The following TGS1 variants were observed in gnomAD, a reference collection of about 807,000 sequenced individuals.
The protein encoded by TGS1 is trimethylguanosine synthase 1.
TGS1 carries 69 observed loss-of-function variants against 92.2 expected under a neutral mutation model. That is an observed-to-expected ratio of 0.75 (90% CI 0.62 to 0.91). The LOEUF is 0.91. Ranked by LOEUF, TGS1 falls within the 40% of genes least tolerant of loss-of-function variation. The pLI is 0.00. For synonymous variants in TGS1, 345 were observed against 338.1 expected, an observed-to-expected ratio of 1.02 and a Z score of -0.22; for missense variants, 1,062 against 1,001.2, an observed-to-expected ratio of 1.06 and a Z score of -0.82.
chr8:55,803,364 C>T (rs1812275572), intron 9 of TGS1, among the ~76,000 whole-genome samples: 1 of 152,202 alleles, frequency 6.6e-6, no homozygotes, highest in South Asian at 2.1e-4. Flanking sequence ...GTCTTGCAGA[C>T]TGATGCTCGT....
chr8:55,792,661 G>A, intron 5 of TGS1, 37 bp from the exon 6 acceptor site: 2 of 1,452,076 alleles, frequency 1.4e-6, no homozygotes, highest in East Asian at 2.3e-5. Flanking sequence ...GGCTCTGGTG[G>A]TAATGGCTTA....
At chr8:55,789,750 A>G (rs374549227) in intron 4 of TGS1, among the ~76,000 whole-genome samples, 5 of 152,246 alleles carry the variant, frequency 3.3e-5, no homozygotes, top group African/African-American at 1.2e-4. Flanking sequence ...TACAACGTAC[A>G]GAAGGTGGAA....
intron 1 of TGS1, among the ~76,000 whole-genome samples, chr8:55,781,185 G>C (rs994549982): frequency 6.6e-6 from 1 of 152,202 alleles, no homozygotes; most frequent in Admixed American, 6.5e-5. Context: ...ACACACATAT[G>C]TAACACTTTT....
chr8:55,794,046 G>A (rs1811969392), intron 6 of TGS1, among the ~76,000 whole-genome samples: 1 of 152,082 alleles, frequency 6.6e-6, no homozygotes, highest in Non-Finnish European at 1.5e-5. Flanking sequence ...GAAACATTTA[G>A]CTAATTCTGT....
rs764471735 is a variant in TGS1, at chr8:55,798,931, A to G, written c.1560A>G (p.Thr520=). The change falls in exon 8 of 13, where the codon ACA becomes ACG. Residue 520 remains threonine, a synonymous_variant. Transcript: ENST00000260129. ...KILSKVEKFL[T]WVNKPMDEEA... ...AATTTAAGGTAGAAAAATTCCTCACATGGGTTAATAAACCAATGGATGAAG... is the reference window on the plus strand; with the variant it reads ...AATTTAAGGTAGAAAAATTCCTCACGTGGGTTAATAAACCAATGGATGAAG... 11 of 1,603,286 alleles carry G rather than the reference A, an allele frequency of 6.9e-6. No homozygotes were observed. Among genetic ancestry groups the G allele is most frequent in the Admixed American group, 1.7e-5 (1 of 57,392 alleles).
At chr8:55,782,180 T>G (rs952001949) in intron 1 of TGS1, among the ~76,000 whole-genome samples, 3 of 148,382 alleles carry the variant, frequency 2.0e-5, no homozygotes, top group Non-Finnish European at 4.4e-5. Flanking sequence ...ATTTATTTAT[T>G]TATTTATTTA....
chr8:55,775,667 G>T (rs7013301), intron 1 of TGS1, among the ~76,000 whole-genome samples: 70,825 of 151,710 alleles, frequency 0.47, 16,816 homozygotes, highest in East Asian at 0.59. Context: ...TGATTTGGGG[G>T]TATCTATGAG....
At chr8:55,796,656 T>C (rs10101281) in intron 7 of TGS1, among the ~76,000 whole-genome samples, 23,650 of 146,464 alleles carry the variant, frequency 0.16, 2,194 homozygotes, top group African/African-American at 0.27. Context: ...CCTTTTCACT[T>C]CAACTTGGGC....
In TGS1 at chr8:55,782,360, G is replaced by A. The variant is rs574482069; in HGVS notation, c.102-388G>A. ...CCACGCCCAGCTAATTTGTGTTTTC[G>A]ATAGAGATGGGGTTTCATCATGTTG... On this transcript the variant is annotated intron_variant, in intron 1 of 12. Transcript: ENST00000260129. 3.3e-5 allele frequency among the ~76,000 whole-genome samples: 5 copies of A among 151,938 alleles called. No individual in the cohort carries two copies. In the South Asian group the frequency reaches 8.3e-4, roughly 25 times the overall value.
At position 55,804,972 on chromosome 8, in the gene TGS1, T is replaced by C. The variant is rs774473172; in HGVS notation, c.2079T>C (p.Val693=). The part of the protein sequence containing the change: ...GRVSQSFKCD[V]VVDAFCGVGG... Reference sequence around the variant, plus strand: ...TTAGTCAGTCCTTCAAGTGTGACGTTGTAGTAGACGCATTCTGTGGAGTTG... The same window carrying C: ...TTAGTCAGTCCTTCAAGTGTGACGTCGTAGTAGACGCATTCTGTGGAGTTG... Residue 693 remains valine (V), a synonymous_variant, in exon 10 of 13, where the codon GTT becomes GTC. Transcript: ENST00000260129. 23 of 1,614,116 alleles carry C rather than the reference T, an allele frequency of 1.4e-5. No homozygotes were observed. The South Asian group carries it at 2.3e-4, about 16-fold the overall frequency.
chr8:55,814,940 G>A (rs921435514), intron 12 of TGS1, among the ~76,000 whole-genome samples: 2 of 151,776 alleles, frequency 1.3e-5, no homozygotes, highest in African/African-American at 4.8e-5. Flanking sequence ...CTTCTCATAT[G>A]ATTCAGAGCT....
At position 55,801,582 on chromosome 8, in the gene TGS1, C is replaced by CTTTTTT. The variant is rs1212417955; in HGVS notation, c.1850-856_1850-851dup. ...AACCACTGCGCCCAGCCCCATCGTTCTTTTTTTTTTTTTTTTTTTTTTTTG... is the reference window on the plus strand; with the variant it reads ...AACCACTGCGCCCAGCCCCATCGTTCTTTTTTTTTTTTTTTTTTTTTTTTTTTTTTG... On this transcript the variant is annotated intron_variant, in intron 8 of 12. Coordinates refer to ENST00000260129, the MANE Select transcript of TGS1 (RefSeq NM_024831.8). Among the ~76,000 whole-genome samples, 227 of 48,186 alleles carry CTTTTTT rather than the reference C, an allele frequency of 4.7e-3. 13 individuals are homozygous for CTTTTTT. The highest frequency in any genetic ancestry group is 5.6e-3 in the Non-Finnish European group (163 of 29,118). 31.6% of individuals were successfully genotyped at this position (48,186 alleles called of 152,430 possible). A position where few individuals can be genotyped will look rare whatever the true frequency, so the allele number is the denominator to read the frequency against.
intron 7 of TGS1, among the ~76,000 whole-genome samples, chr8:55,798,690 A>AT (rs1812127008): frequency 6.6e-6 from 1 of 152,114 alleles, no homozygotes; most frequent in African/African-American, 2.4e-5. Flanking sequence ...TTAATCTGAT[A>AT]TTTTTTTCCT....
chr8:55,779,314 G>T (rs1365752177), intron 1 of TGS1, among the ~76,000 whole-genome samples: 1 of 152,156 alleles, frequency 6.6e-6, no homozygotes, highest in Non-Finnish European at 1.5e-5. Context: ...TATAACAGCT[G>T]GTAATCTCTT....
At chr8:55,802,062 C>G (rs190650854) in intron 8 of TGS1, among the ~76,000 whole-genome samples, 1 of 152,102 alleles carries the variant, frequency 6.6e-6, no homozygotes, top group Middle Eastern at 3.4e-3. Flanking sequence ...GGCGTGGTGA[C>G]GGGCGCCTGT....
chr8:55,799,306 A>G (rs1812154013), intron 8 of TGS1, 86 bp downstream of exon 8: 2 of 1,281,416 alleles, frequency 1.6e-6, no homozygotes, highest in Non-Finnish European at 2.1e-6. Context: ...TCACTTGTGA[A>G]TCTTCTGTAC....
intron 5 of TGS1, 93 bp downstream of exon 5, chr8:55,790,392 A>G (rs938912529): frequency 7.5e-6 from 6 of 797,822 alleles, no homozygotes; most frequent in Non-Finnish European, 1.3e-5. Context: ...TATGTTCACA[A>G]CACCAGTAAT....
intron 12 of TGS1, among the ~76,000 whole-genome samples, chr8:55,814,791 T>C (rs1323574301): frequency 2.7e-5 from 4 of 149,522 alleles, no homozygotes; most frequent in Admixed American, 2.7e-4. Context: ...TGAGCCGAGA[T>C]TGCGCCACTG....
intron 1 of TGS1, among the ~76,000 whole-genome samples, chr8:55,777,262 G>A (rs1445206564): frequency 6.7e-6 from 1 of 148,608 alleles, no homozygotes; most frequent in Non-Finnish European, 1.5e-5. Flanking sequence ...TCCCACCTCA[G>A]CCTCCCAAAG....
Sources: gnomAD v4.1 joint callset for allele counts (sites outside exome capture counted in the v4.1 genomes callset) on GRCh38, gnomAD v4.1.1 for gene constraint, MANE v1.5 for transcripts, NCBI Gene and HGNC (gene_info 2026-07-23, HGNC 2026-07-21) for gene names.